The following YEATS2 variants were observed in gnomAD, a reference collection of about 807,000 sequenced individuals.
YEATS2 encodes the protein YEATS domain-containing protein 2.
Under a neutral mutation model 163.2 loss-of-function variants are expected in YEATS2, and 77 were observed. That is an observed-to-expected ratio of 0.47 (90% CI 0.39 to 0.57). The LOEUF (loss-of-function observed/expected upper bound fraction) is 0.57. Ranked by LOEUF, YEATS2 falls within the 20% of genes least tolerant of loss-of-function variation. YEATS2 has a pLI of 0.00. For missense variants in YEATS2, 1,549 were observed against 1,729.8 expected (o/e 0.90, Z 1.85); for synonymous variants, 631 against 645.1 (o/e 0.98, Z 0.33).
intron 1 of YEATS2, among the ~76,000 whole-genome samples, chr3:183,706,679 G>C (rs1382760145): frequency 6.6e-6 from 1 of 152,212 alleles, no homozygotes; most frequent in Non-Finnish European, 1.5e-5. Context: ...AGCCCGGCGC[G>C]GTGGCGCATA....
chr3:183,759,723 C>T (rs1721148049), intron 13 of YEATS2, among the ~76,000 whole-genome samples: 1 of 152,222 alleles, frequency 6.6e-6, no homozygotes, highest in Admixed American at 6.5e-5. Context: ...GCAATATGCA[C>T]TTAGCGAGCC....
At chr3:183,799,670 A>G (rs1429607693) in intron 23 of YEATS2, among the ~76,000 whole-genome samples, 1 of 152,156 alleles carries the variant, frequency 6.6e-6, no homozygotes, top group Non-Finnish European at 1.5e-5. Flanking sequence ...GTGTCCAAGC[A>G]TAGGGGATCT....
chr3:183,758,602 A>G (rs1451580446), intron 12 of YEATS2, among the ~76,000 whole-genome samples: 3 of 152,172 alleles, frequency 2.0e-5, no homozygotes, highest in Non-Finnish European at 4.4e-5. Context: ...GGAGTAGTCT[A>G]AAACAAGTGA....
In YEATS2 at chr3:183,756,553, A is replaced by G. The variant is rs372744987; in HGVS notation, c.1416A>G (p.Pro472=). 1.3e-6 allele frequency: 2 copies of G among 1,594,176 alleles called. No individual in the cohort carries two copies. Among genetic ancestry groups the G allele is most frequent in the Non-Finnish European group, 8.5e-7 (1 of 1,171,710 alleles). ...VSGSPISTPS[P]SPLPRTPTST... ...GTTCCCCAATATCAACTCCAAGCCCATCACCATTGCCTCGAACCCCGACTT... is the reference window on the plus strand; with the variant it reads ...GTTCCCCAATATCAACTCCAAGCCCGTCACCATTGCCTCGAACCCCGACTT... The change falls in exon 12 of 31, where the codon CCA becomes CCG. Residue 472 remains proline (P), a synonymous_variant. Coordinates refer to ENST00000305135, the MANE Select transcript of YEATS2 (RefSeq NM_018023.5).
intron 20 of YEATS2, among the ~76,000 whole-genome samples, chr3:183,788,635 C>T (rs1437990087): frequency 1.3e-5 from 2 of 152,102 alleles, no homozygotes; most frequent in Admixed American, 1.3e-4. Flanking sequence ...TCCTCATATA[C>T]TCATTTCCTT....
At chr3:183,701,298 A>G (rs1220961724) in intron 1 of YEATS2, among the ~76,000 whole-genome samples, 1 of 152,080 alleles carries the variant, frequency 6.6e-6, no homozygotes, top group Non-Finnish European at 1.5e-5. Flanking sequence ...CATGTTAGCC[A>G]GGATGATCTC....
intron 21 of YEATS2, among the ~76,000 whole-genome samples, chr3:183,796,880 CTT>C (rs1725200515): frequency 6.6e-6 from 1 of 152,074 alleles, no homozygotes; most frequent in African/African-American, 2.4e-5. Flanking sequence ...CTTTGGGTGA[CTT>C]TTTATCCTTT....
intron 7 of YEATS2, 132 bp from the exon 8 acceptor site, chr3:183,736,586 G>A (rs1276494476): frequency 3.1e-6 from 2 of 651,994 alleles, no homozygotes; most frequent in East Asian, 3.0e-5. Context: ...TGTTGATTTA[G>A]TTTTAAACGA....
chr3:183,750,114 G>A (rs1187912463), intron 9 of YEATS2, among the ~76,000 whole-genome samples: 3 of 151,848 alleles, frequency 2.0e-5, no homozygotes, highest in Admixed American at 2.0e-4. Context: ...ATGAGCCACC[G>A]CGCCCGGCCT....
chr3:183,722,932 G>A (rs1278676701), intron 5 of YEATS2, among the ~76,000 whole-genome samples: 2 of 152,228 alleles, frequency 1.3e-5, no homozygotes, highest in African/African-American at 2.4e-5. Context: ...GATTACAGGC[G>A]TGAGCCACCG....
chr3:183,776,102 C>A lies in YEATS2; in HGVS notation c.2556C>A (p.Tyr852Ter). ...GISQHLTYTSYILKQTPQGTF... is the reference protein window; with the variant it reads ...GISQHLTYTS ...CTCAGCACCTGACTTACACATCTTA[C>A]ATCCTCAAGCAAACTCCCCAGGTCT... The change falls in exon 18 of 31, where the codon TAC becomes TAA. Residue 852 changes from tyrosine (Y) to a stop codon, truncating the protein, a stop_gained. Transcript: ENST00000305135. LOFTEE classifies it high-confidence loss of function. 1 of 1,587,256 alleles carries A rather than the reference C, an allele frequency of 6.3e-7. No homozygotes were observed. Among genetic ancestry groups the A allele is most frequent in the Non-Finnish European group, 8.6e-7 (1 of 1,167,180 alleles).
chr3:183,762,726 C>T (rs1214287923), intron 15 of YEATS2, among the ~76,000 whole-genome samples: 1 of 150,860 alleles, frequency 6.6e-6, no homozygotes, highest in East Asian at 1.9e-4. Context: ...TTTGGAGGTA[C>T]AGGAGAATTA....
intron 7 of YEATS2, among the ~76,000 whole-genome samples, chr3:183,730,459 C>T (rs1018219752): frequency 7.2e-5 from 11 of 152,072 alleles, no homozygotes; most frequent in African/African-American, 2.4e-4. Flanking sequence ...TCTTCACCCC[C>T]GACTCTTAAA....
intron 20 of YEATS2, among the ~76,000 whole-genome samples, chr3:183,789,488 TA>T: frequency 6.6e-6 from 1 of 151,508 alleles, no homozygotes. Flanking sequence ...TTTATACATT[TA>T]GCTCTTATAT....
chr3:183,800,707 A>G (rs113767105), intron 24 of YEATS2, 139 bp downstream of exon 24: 218 of 652,694 alleles, frequency 3.3e-4, no homozygotes, highest in Non-Finnish European at 5.1e-4. Flanking sequence ...GCAGTGGACA[A>G]GTGTTACCAC....
intron 1 of YEATS2, among the ~76,000 whole-genome samples, chr3:183,713,882 T>C (rs565191384): frequency 6.6e-6 from 1 of 152,270 alleles, no homozygotes; most frequent in African/African-American, 2.4e-5. Context: ...CTCGGCTCAC[T>C]GCAACCGCTG....
Position 183,717,648 on chromosome 3 carries a change from C to A in YEATS2, c.101-3C>A. On this transcript the variant is annotated splice_polypyrimidine_tract_variant and splice_region_variant and intron_variant, in intron 2 of 30. Transcript: ENST00000305135. ...TTGGATGTATTTTATGTTCTTTGTACAGCTCGAGATGCTGCTGTGCAGAAG... is the reference window on the plus strand; with the variant it reads ...TTGGATGTATTTTATGTTCTTTGTAAAGCTCGAGATGCTGCTGTGCAGAAG... 1 of 1,556,818 alleles carries A rather than the reference C, an allele frequency of 6.4e-7. No homozygotes were observed. Among genetic ancestry groups the A allele is most frequent in the South Asian group, 1.3e-5 (1 of 79,284 alleles).
intron 1 of YEATS2, among the ~76,000 whole-genome samples, chr3:183,710,586 C>T (rs1166941667): frequency 1.3e-5 from 2 of 152,170 alleles, no homozygotes; most frequent in East Asian, 3.8e-4. Flanking sequence ...ATTATCTTGG[C>T]AGCACAAATG....
intron 5 of YEATS2, 142 bp downstream of exon 5, chr3:183,722,278 C>CTTTTTTTTTTTTTTTTTTTTT (rs200048624): frequency 6.9e-6 from 2 of 289,378 alleles, no homozygotes; most frequent in African/African-American, 9.1e-5. Context: ...GAAACCAAAT[C>CTTTTTTTTTTTTTTTTTTTTT]TTTTTTTTTT....
Sources: gnomAD v4.1 joint callset for allele counts (sites outside exome capture counted in the v4.1 genomes callset) on GRCh38, gnomAD v4.1.1 for gene constraint, MANE v1.5 for transcripts, NCBI Gene and HGNC (gene_info 2026-07-23, HGNC 2026-07-21) for gene names.